Variants in DLGAP2 observed in about 807,000 individuals in gnomAD.
The protein encoded by DLGAP2 is DLG associated protein 2, also known as disks large-associated protein 2.
Under a neutral mutation model 100.3 loss-of-function variants are expected in DLGAP2, and 26 were observed. The observed-to-expected ratio is 0.26, with a 90% CI of 0.19 to 0.36. The LOEUF (loss-of-function observed/expected upper bound fraction) is 0.36, where lower values mean the gene tolerates loss of function less well. DLGAP2 is among the 10% of genes least tolerant of loss of function. The pLI is 1.00. For synonymous variants in DLGAP2, 886 were observed against 630.1 expected (o/e 1.41, Z -6.08); for missense variants, 1,858 against 1,453.2 (o/e 1.28, Z -4.53).
At chr8:1,618,919 C>G (rs1279984790) in intron 6 of DLGAP2, among the ~76,000 whole-genome samples, 1 of 152,130 alleles carries the variant, frequency 6.6e-6, no homozygotes, top group Non-Finnish European at 1.5e-5. Context: ...CAAAATATCT[C>G]CATACATCAC....
intron 2 of DLGAP2, among the ~76,000 whole-genome samples, chr8:1,190,596 A>G (rs1043792928): frequency 6.6e-6 from 1 of 152,168 alleles, no homozygotes; most frequent in Non-Finnish European, 1.5e-5. Flanking sequence ...CGCAATCAGC[A>G]TTGAGAGCCA....
chr8:1,315,471 G>C (rs1282735885), intron 3 of DLGAP2, among the ~76,000 whole-genome samples: 1 of 144,830 alleles, frequency 6.9e-6, no homozygotes, highest in Non-Finnish European at 1.5e-5. Context: ...CTACACTCGA[G>C]AAACTCGGCA....
chr8:1,268,626 G>T (rs1277568521), intron 3 of DLGAP2, among the ~76,000 whole-genome samples: 2 of 152,164 alleles, frequency 1.3e-5, no homozygotes, highest in African/African-American at 4.8e-5. Context: ...ATCCTTAAGA[G>T]AATTCTTATC....
At chr8:1,357,296 C>T (rs1400157091) in intron 3 of DLGAP2, among the ~76,000 whole-genome samples, 2 of 152,046 alleles carry the variant, frequency 1.3e-5, no homozygotes, top group Non-Finnish European at 2.9e-5. Context: ...GCTTCTCTGG[C>T]TGATGCCACA....
chr8:789,253 T>C (rs1242505441), intron 1 of DLGAP2, among the ~76,000 whole-genome samples: 1 of 152,198 alleles, frequency 6.6e-6, no homozygotes, highest in African/African-American at 2.4e-5. Flanking sequence ...TCACGGTTCC[T>C]CAGGATTTGC....
At chr8:784,281 T>G (rs1821779608) in intron 1 of DLGAP2, among the ~76,000 whole-genome samples, 1 of 152,246 alleles carries the variant, frequency 6.6e-6, no homozygotes, top group Non-Finnish European at 1.5e-5. Context: ...AGTTTTATCA[T>G]CTAGAATCTT....
At chr8:765,323 A>AT (rs902261462) in intron 1 of DLGAP2, among the ~76,000 whole-genome samples, 2 of 152,208 alleles carry the variant, frequency 1.3e-5, no homozygotes, top group South Asian at 2.1e-4. Flanking sequence ...TTGGTAAAAT[A>AT]TTTTTTTTCT....
chr8:830,298 A>C (rs147253738), intron 1 of DLGAP2, among the ~76,000 whole-genome samples: 1 of 152,206 alleles, frequency 6.6e-6, no homozygotes, highest in Non-Finnish European at 1.5e-5. Flanking sequence ...CCTTTTTGTT[A>C]CAAACAATCC....
chr8:1,670,514 T>A (rs1798664094), intron 10 of DLGAP2, among the ~76,000 whole-genome samples: 1 of 152,232 alleles, frequency 6.6e-6, no homozygotes, highest in South Asian at 2.1e-4. Flanking sequence ...GAGAGGGAAC[T>A]GCACCCCCAG....
At chr8:1,209,873 C>T (rs937707151) in intron 2 of DLGAP2, among the ~76,000 whole-genome samples, 3 of 152,162 alleles carry the variant, frequency 2.0e-5, no homozygotes, top group African/African-American at 2.4e-5. Context: ...CCAGGCATGT[C>T]CTACCCCCTC....
intron 3 of DLGAP2, among the ~76,000 whole-genome samples, chr8:1,386,624 G>A (rs1187821135): frequency 6.6e-6 from 1 of 152,124 alleles, no homozygotes; most frequent in African/African-American, 2.4e-5. Context: ...AGGAAGATTC[G>A]GAGGATGTGC....
chr8:1,252,952 G>A (rs1799081770), intron 2 of DLGAP2, among the ~76,000 whole-genome samples: 1 of 152,230 alleles, frequency 6.6e-6, no homozygotes, highest in Non-Finnish European at 1.5e-5. Flanking sequence ...ACAAATTAGT[G>A]CAATTGTCAC....
intron 4 of DLGAP2, among the ~76,000 whole-genome samples, chr8:1,504,504 CTT>C (rs1221733326): frequency 6.6e-6 from 1 of 152,210 alleles, no homozygotes; most frequent in Non-Finnish European, 1.5e-5. Context: ...ACTTACTCCT[CTT>C]GTCTAACTGA....
At chr8:1,425,698 G>C (rs1418196624) in intron 3 of DLGAP2, among the ~76,000 whole-genome samples, 1 of 152,188 alleles carries the variant, frequency 6.6e-6, no homozygotes, top group Non-Finnish European at 1.5e-5. Flanking sequence ...CTCCTGTCCT[G>C]TAGGGAACTG....
At chr8:1,499,175 C>G (rs1021420768) in intron 3 of DLGAP2, among the ~76,000 whole-genome samples, 1 of 152,242 alleles carries the variant, frequency 6.6e-6, no homozygotes, top group Non-Finnish European at 1.5e-5. Flanking sequence ...TCGCAGGCTT[C>G]CGATACCAAG....
intron 1 of DLGAP2, among the ~76,000 whole-genome samples, chr8:826,544 T>C (rs1796688003): frequency 6.6e-6 from 1 of 152,166 alleles, no homozygotes; most frequent in Non-Finnish European, 1.5e-5. Flanking sequence ...TTTCACCTTT[T>C]TGGGTGCTGG....
intron 4 of DLGAP2, among the ~76,000 whole-genome samples, chr8:1,527,178 C>T (rs544228257): frequency 1.8e-4 from 28 of 152,264 alleles, no homozygotes; most frequent in Admixed American, 2.6e-4. Flanking sequence ...AAATCCGTGA[C>T]TGACATGGTG....
intron 2 of DLGAP2, among the ~76,000 whole-genome samples, chr8:932,068 T>C (rs1452559034): frequency 6.6e-6 from 1 of 152,218 alleles, no homozygotes. Flanking sequence ...AGCACAAACA[T>C]GTACTGTAAG....
At chr8:1,317,575 C>G (rs866349472) in intron 3 of DLGAP2, among the ~76,000 whole-genome samples, 1 of 121,684 alleles carries the variant, frequency 8.2e-6, no homozygotes, top group Non-Finnish European at 1.7e-5. Flanking sequence ...TCGAGACACT[C>G]GGCAGCGTTT....
Sources: gnomAD v4.1 joint callset for allele counts (sites outside exome capture counted in the v4.1 genomes callset) on GRCh38, gnomAD v4.1.1 for gene constraint, MANE v1.5 for transcripts, NCBI Gene and HGNC (gene_info 2026-07-23, HGNC 2026-07-21) for gene names.